The following LAMA2 variants were observed in gnomAD, a reference collection of about 807,000 sequenced individuals.
LAMA2 encodes laminin subunit alpha-2.
Under a neutral mutation model 364.8 loss-of-function variants are expected in LAMA2, and 269 were observed. The observed-to-expected ratio is 0.74, with a 90% CI of 0.67 to 0.82. The LOEUF (loss-of-function observed/expected upper bound fraction) is 0.82. Among genes scored for constraint, LAMA2 ranks in the 40% least tolerant of loss-of-function variants. The pLI is 0.00. For missense variants in LAMA2, 3,807 were observed against 3,873.2 expected, an observed-to-expected ratio of 0.98 and a Z score of 0.45; for synonymous variants, 1,379 against 1,370.6, an observed-to-expected ratio of 1.01 and a Z score of -0.14.
chr6:129,071,487 G>C (rs4897299), intron 3 of LAMA2, among the ~76,000 whole-genome samples: 72,098 of 151,812 alleles, frequency 0.47, 20,292 homozygotes, highest in East Asian at 0.8. Context: ...TTCTTGAAAT[G>C]GATACCTATG....
intron 3 of LAMA2, among the ~76,000 whole-genome samples, chr6:129,070,203 A>G (rs1339811447): frequency 1.3e-5 from 2 of 152,220 alleles, no homozygotes; most frequent in Middle Eastern, 3.4e-3. Flanking sequence ...TACGAGGCAT[A>G]TTATAAGGAT....
At chr6:129,077,523 G>T (rs1562217680) in intron 3 of LAMA2, among the ~76,000 whole-genome samples, 1 of 152,030 alleles carries the variant, frequency 6.6e-6, no homozygotes, top group African/African-American at 2.4e-5. Flanking sequence ...TCCATCAGCT[G>T]CATTAGATTT....
intron 32 of LAMA2, 119 bp from the exon 33 acceptor site, chr6:129,366,100 T>C: frequency 9.9e-7 from 1 of 1,006,874 alleles, no homozygotes; most frequent in Non-Finnish European, 1.6e-6. Flanking sequence ...CTGAGATGAG[T>C]AGTTTCATCT....
intron 1 of LAMA2, among the ~76,000 whole-genome samples, chr6:128,987,139 TG>T (rs1783303687): frequency 5.9e-5 from 2 of 33,688 alleles, no homozygotes; most frequent in East Asian, 4.8e-4. Flanking sequence ...TTTTTTTTTT[TG>T]TTTTTTTTTT....
chr6:128,909,163 A>T (rs373745243), intron 1 of LAMA2, among the ~76,000 whole-genome samples: 1 of 151,504 alleles, frequency 6.6e-6, no homozygotes, highest in Non-Finnish European at 1.5e-5. Context: ...CGCTTGGTGC[A>T]GAGCTGAGTT....
intron 21 of LAMA2, 52 bp from the exon 22 acceptor site, chr6:129,300,684 C>G: frequency 6.3e-7 from 1 of 1,591,186 alleles, no homozygotes; most frequent in Non-Finnish European, 8.6e-7. Context: ...CACTTTGTGT[C>G]AAATTTTTAC....
intron 1 of LAMA2, among the ~76,000 whole-genome samples, chr6:128,966,143 ATT>A (rs953392850): frequency 2.0e-5 from 3 of 151,516 alleles, no homozygotes; most frequent in African/African-American, 7.3e-5. Context: ...TCAAAACTAA[ATT>A]TTTTTTTAAA....
intron 58 of LAMA2, among the ~76,000 whole-genome samples, chr6:129,494,647 G>T (rs1198227748): frequency 6.6e-6 from 1 of 152,116 alleles, no homozygotes; most frequent in African/African-American, 2.4e-5. Context: ...AAATACCTAA[G>T]ATCACACAGC....
chr6:129,295,185 C>G (rs989517059), intron 20 of LAMA2, among the ~76,000 whole-genome samples: 1 of 152,120 alleles, frequency 6.6e-6, no homozygotes, highest in African/African-American at 2.4e-5. Flanking sequence ...CTCAGTTTCA[C>G]CACTCAATAA....
At chr6:129,071,329 A>G (rs1773296597) in intron 3 of LAMA2, among the ~76,000 whole-genome samples, 1 of 151,742 alleles carries the variant, frequency 6.6e-6, no homozygotes, top group African/African-American at 2.4e-5. Context: ...GGTCTTCATA[A>G]TTTCATTAGT....
chr6:129,349,280 C>A lies in LAMA2; in HGVS notation c.4437-18C>A. The A allele has an allele frequency of 6.2e-7, 1 of 1,605,640 alleles. No individual in the cohort carries two copies. The highest frequency in any genetic ancestry group is 1.1e-5 in the South Asian group (1 of 90,884). On this transcript the variant is annotated intron_variant, in intron 30 of 64. Transcript: ENST00000421865. Reference sequence around the variant, plus strand: ...AATGGATTAAACTTTTTTTGCAATCCTTTTCTTTCTGATTCAGTTTCAGCC... The same window carrying A: ...AATGGATTAAACTTTTTTTGCAATCATTTTCTTTCTGATTCAGTTTCAGCC...
At chr6:129,192,186 T>C (rs1781556978) in intron 11 of LAMA2, among the ~76,000 whole-genome samples, 1 of 152,246 alleles carries the variant, frequency 6.6e-6, no homozygotes, top group African/African-American at 2.4e-5. Context: ...AAACACCACC[T>C]TTCAGGTACT....
chr6:129,406,432 G>A (rs1232426493), intron 40 of LAMA2, among the ~76,000 whole-genome samples: 1 of 152,030 alleles, frequency 6.6e-6, no homozygotes, highest in East Asian at 1.9e-4. Context: ...TTTTCTATTG[G>A]TGTCGGGTGA....
intron 4 of LAMA2, among the ~76,000 whole-genome samples, chr6:129,118,670 A>G (rs1000136524): frequency 6.6e-6 from 1 of 152,226 alleles, no homozygotes; most frequent in Non-Finnish European, 1.5e-5. Context: ...CTTCCCAACT[A>G]CTGTGATCCT....
At chr6:129,091,928 G>A (rs997407280) in intron 3 of LAMA2, among the ~76,000 whole-genome samples, 1 of 152,206 alleles carries the variant, frequency 6.6e-6, no homozygotes, top group Non-Finnish European at 1.5e-5. Context: ...AGATGAGAGT[G>A]AACAATTTTC....
chr6:129,140,748 A>C (rs1046459722), intron 4 of LAMA2, among the ~76,000 whole-genome samples: 2 of 152,048 alleles, frequency 1.3e-5, no homozygotes, highest in African/African-American at 2.4e-5. Flanking sequence ...GGAAAAAAAA[A>C]TACACACAAA....
intron 1 of LAMA2, among the ~76,000 whole-genome samples, chr6:128,985,322 T>A (rs1469464217): frequency 6.6e-6 from 1 of 152,168 alleles, no homozygotes; most frequent in East Asian, 1.9e-4. Context: ...TTAAAACTAT[T>A]CAGTGCTTAT....
chr6:128,921,697 G>GTTTT (rs547882651), intron 1 of LAMA2, among the ~76,000 whole-genome samples: 1 of 118,070 alleles, frequency 8.5e-6, no homozygotes, highest in Non-Finnish European at 1.7e-5. Context: ...ATGAATGTCT[G>GTTTT]TTTTTTTTTT....
intron 1 of LAMA2, among the ~76,000 whole-genome samples, chr6:128,970,461 C>A (rs9492166): frequency 6.6e-6 from 1 of 151,982 alleles, no homozygotes; most frequent in Non-Finnish European, 1.5e-5. Flanking sequence ...TTTACCAACA[C>A]CTTGTGGGTA....
Sources: allele counts gnomAD v4.1 joint callset (sites outside exome capture counted in the v4.1 genomes callset), GRCh38; gene constraint gnomAD v4.1.1; transcripts MANE v1.5; gene names NCBI Gene and HGNC (gene_info 2026-07-23, HGNC 2026-07-21).